USP42: variants seen among roughly 807,000 people sequenced by gnomAD.
USP42 encodes ubiquitin specific peptidase 42, also known as ubiquitin carboxyl-terminal hydrolase 42.
Under a neutral mutation model 113.0 loss-of-function variants are expected in USP42, and 23 were observed. That is an observed-to-expected ratio of 0.20 (90% CI 0.15 to 0.29). The LOEUF (loss-of-function observed/expected upper bound fraction) is 0.29. Among genes scored for constraint, USP42 ranks in the 10% least tolerant of loss-of-function variants. USP42 has a pLI of 1.00. For synonymous variants in USP42, 933 were observed against 699.0 expected (o/e 1.33, Z -5.28); for missense variants, 2,174 against 1,779.8 (o/e 1.22, Z -3.99).
intron 14 of USP42, chr7:6,153,006 C>T: frequency 1.0e-6 from 1 of 978,322 alleles, no homozygotes; most frequent in Non-Finnish European, 1.2e-6. Flanking sequence ...CGCGGTGGCT[C>T]ACGCCTGTAA....
rs1414505874 is a variant in USP42, at chr7:6,146,141, T to C, written c.1132-7T>C. 7.1e-6 allele frequency: 11 copies of C among 1,556,514 alleles called. No individual in the cohort carries two copies. In the South Asian group the frequency reaches 7.1e-5, roughly 10 times the overall value. On this transcript the variant is annotated splice_region_variant and splice_polypyrimidine_tract_variant and intron_variant, in intron 10 of 17. Coordinates refer to ENST00000306177, the MANE Select transcript of USP42 (RefSeq NM_032172.3). Reference sequence around the variant, plus strand: ...AATCTCTCTCTTTTATTGGCTCTCATTTATAGGCTAGCAATGGCCTCTGGT... The same window carrying C: ...AATCTCTCTCTTTTATTGGCTCTCACTTATAGGCTAGCAATGGCCTCTGGT...
chr7:6,106,447 A>G (rs1474639654), intron 1 of USP42, among the ~76,000 whole-genome samples: 7 of 152,224 alleles, frequency 4.6e-5, no homozygotes, highest in Non-Finnish European at 8.8e-5. Context: ...ATTTGATAAC[A>G]AGGGAGACAT....
At chr7:6,134,812 G>A (rs1194265928) in intron 3 of USP42, among the ~76,000 whole-genome samples, 3 of 152,090 alleles carry the variant, frequency 2.0e-5, no homozygotes, top group African/African-American at 7.2e-5. Flanking sequence ...TTGAGACAGG[G>A]TCTCGCTCTG....
At chr7:6,081,755 T>G in the USP42 span, 1 of 152,198 alleles carries the variant, frequency 6.6e-6, no homozygotes, top group Non-Finnish European at 1.5e-5. Context: ...GACTGCGGGT[T>G]CGCTCCGGGC....
At position 6,144,184 on chromosome 7, in the gene USP42, A is replaced by G. The variant is rs780691695; in HGVS notation, c.978A>G (p.Gly326=). The G allele has an allele frequency of 6.9e-6, 11 of 1,586,900 alleles. No individual in the cohort carries two copies. The highest frequency in any genetic ancestry group is 9.4e-6 in the Non-Finnish European group (11 of 1,168,914). The change falls in exon 9 of 18, where the codon GGA becomes GGG. Residue 326 remains glycine, a synonymous_variant. Transcript: ENST00000306177. ...SLKRFANFTG[G]KIAKDVKYPE... ...AACGTTTTGCAAATTTTACCGGTGG[A>G]AAAATTGCTAAGGTATGTGGATGAT...
Position 6,145,312 on chromosome 7 carries a change from T to C in USP42, c.991-204T>C, listed in dbSNP as rs1195468070. 3.3e-5 allele frequency among the ~76,000 whole-genome samples: 5 copies of C among 149,392 alleles called. No individual in the cohort carries two copies. The East Asian group carries it at 1.0e-3, about 30-fold the overall frequency. Reference sequence around the variant, plus strand: ...TGTCACTGCACTCCAGCCTGGGTGATAGAGTGGCACGCCATCTCAAAAAAA... The same window carrying C: ...TGTCACTGCACTCCAGCCTGGGTGACAGAGTGGCACGCCATCTCAAAAAAA... On this transcript the variant is annotated intron_variant, in intron 9 of 17. Transcript: ENST00000306177.
At chr7:6,116,115 A>AG (rs1322713836) in intron 3 of USP42, among the ~76,000 whole-genome samples, 1 of 151,454 alleles carries the variant, frequency 6.6e-6, no homozygotes, top group Non-Finnish European at 1.5e-5. Context: ...AAAAAAAAAA[A>AG]AAAAAACGTC....
chr7:6,097,727 A>T, the USP42 span, among the ~76,000 whole-genome samples: 80 of 148,776 alleles, frequency 5.4e-4, 4 homozygotes, highest in African/African-American at 1.9e-3. Flanking sequence ...AGTTGCTGTG[A>T]CTACAGGCGG....
At chr7:6,106,632 G>T (rs986473829) in intron 1 of USP42, among the ~76,000 whole-genome samples, 55 of 152,086 alleles carry the variant, frequency 3.6e-4, no homozygotes, top group African/African-American at 1.2e-3. Flanking sequence ...TGGCGCAGTT[G>T]TAGCTCACTG....
In USP42 at chr7:6,154,323, G is replaced by T. The variant is rs1280142642; in HGVS notation, c.2769G>T (p.Arg923Ser). The T allele has an allele frequency of 6.3e-7, 1 of 1,575,644 alleles. No homozygotes were observed. Among genetic ancestry groups the T allele is most frequent in the African/African-American group, 1.4e-5 (1 of 73,928 alleles). The change falls in exon 15 of 18, where the codon AGG becomes AGT. Residue 923 changes from arginine (R) to serine (S), a missense_variant. Arg to Ser is a moderately radical substitution (Grantham distance 110). Coordinates refer to ENST00000306177, the MANE Select transcript of USP42 (RefSeq NM_032172.3). Reference sequence around the variant, plus strand: ...ACGCTGAGCCTAGCCCCGGCGAGAGGGTCGAGGACGCCGCGGCGCCGAAAG... The same window carrying T: ...ACGCTGAGCCTAGCCCCGGCGAGAGTGTCGAGGACGCCGCGGCGCCGAAAG... ...EGDAEPSPGE[R>S]VEDAAAPKAP...
chr7:6,158,578 G>GC lies in USP42; in HGVS notation c.3944-868dup, dbSNP rs1782596625. 6.6e-6 allele frequency among the ~76,000 whole-genome samples: 1 copy of GC among 152,224 alleles called. No homozygotes were observed. Among genetic ancestry groups the GC allele is most frequent in the Non-Finnish European group, 1.5e-5 (1 of 68,026 alleles). Reference sequence around the variant, plus strand: ...GAGAGAGCTGGGGGTTGCGGGGTGAGCCCCATGGGGGACATTTGCCCATGG... The same window carrying GC: ...GAGAGAGCTGGGGGTTGCGGGGTGAGCCCCCATGGGGGACATTTGCCCATGG... On this transcript the variant is annotated intron_variant, in intron 16 of 17. Transcript: ENST00000306177. The surrounding 1 kb of genome is among the most constrained non-coding windows in gnomAD (Gnocchi z 4.2).
At chr7:6,092,053 C>CTTCTTCTTT in the USP42 span, among the ~76,000 whole-genome samples, 3 of 41,762 alleles carry the variant, frequency 7.2e-5, no homozygotes, top group Admixed American at 2.8e-4. Context: ...TCTTCTTCTT[C>CTTCTTCTTT]TTTCTTCTTC....
chr7:6,127,049 G>T (rs548368180), intron 3 of USP42, among the ~76,000 whole-genome samples: 1 of 152,186 alleles, frequency 6.6e-6, no homozygotes, highest in African/African-American at 2.4e-5. Context: ...TGGTAACTCA[G>T]TGTGGCTTTC....
intron 9 of USP42, among the ~76,000 whole-genome samples, chr7:6,145,300 C>T (rs556116895): frequency 6.6e-6 from 1 of 150,716 alleles, no homozygotes; most frequent in African/African-American, 2.5e-5. Context: ...CACTGCACTC[C>T]AGCCTGGGTG....
rs376865105 is a variant in USP42 at position 6,109,659 on chromosome 7, G to T, written c.-9-1466G>T. ...TCCACCCACTTTGGCCTCCCAAAGT[G>T]CTGGGATTACAGGGGTGTGAGCCAC... is the stretch of plus-strand genomic sequence containing the variant. On this transcript the variant is annotated intron_variant, in intron 1 of 17. Coordinates refer to ENST00000306177, the MANE Select transcript of USP42 (RefSeq NM_032172.3). Among the ~76,000 whole-genome samples the T allele has an allele frequency of 5.0e-4, 75 of 150,738 alleles. 3 individuals are homozygous for T. The South Asian group carries it at 0.015, about 31-fold the overall frequency.
chr7:6,145,727 T>C, intron 10 of USP42, 71 bp downstream of exon 10: 2 of 1,506,616 alleles, frequency 1.3e-6, no homozygotes. Flanking sequence ...ATTCTTGGGG[T>C]AGGGAGAGGT....
chr7:6,124,970 C>T (rs896027359), intron 3 of USP42, among the ~76,000 whole-genome samples: 2 of 151,048 alleles, frequency 1.3e-5, no homozygotes, highest in African/African-American at 4.9e-5. Flanking sequence ...CACTTGTGGT[C>T]AGGAATTCGA....
At position 6,157,586 on chromosome 7, in the gene USP42, C is replaced by T. The variant is rs749668630; in HGVS notation, c.3943+531C>T. ...CTAAATTTTGTGTTTTTAGTAGAGACGGTGTTTCACCGTGTTAGCCAGGAT... is the reference window on the plus strand; with the variant it reads ...CTAAATTTTGTGTTTTTAGTAGAGATGGTGTTTCACCGTGTTAGCCAGGAT... On this transcript the variant is annotated intron_variant, in intron 16 of 17. Coordinates refer to ENST00000306177, the MANE Select transcript of USP42 (RefSeq NM_032172.3). The surrounding 1 kb of genome is among the most constrained non-coding windows in gnomAD (Gnocchi z 4.1). Among the ~76,000 whole-genome samples, 6 of 152,070 alleles carry T rather than the reference C, an allele frequency of 3.9e-5. No individual in the cohort carries two copies. Among genetic ancestry groups the T allele is most frequent in the Non-Finnish European group, 5.9e-5 (4 of 68,010 alleles).
chr7:6,110,721 TGTA>T (rs1779556026), intron 1 of USP42, among the ~76,000 whole-genome samples: 1 of 152,228 alleles, frequency 6.6e-6, no homozygotes, highest in African/African-American at 2.4e-5. Flanking sequence ...AAATTGAAGA[TGTA>T]GTCAAATGTA....
Sources: gnomAD v4.1 joint callset for allele counts (sites outside exome capture counted in the v4.1 genomes callset) on GRCh38, gnomAD v4.1.1 for gene constraint, Gnocchi (gnomAD v3.1) non-coding constraint, MANE v1.5 for transcripts, NCBI Gene and HGNC (gene_info 2026-07-23, HGNC 2026-07-21) for gene names.